LUZP2: variants seen among roughly 807,000 people sequenced by gnomAD.
The protein encoded by LUZP2 is leucine zipper protein 2.
A neutral mutation model predicts 51.6 loss-of-function variants in LUZP2; 52 were observed. The observed-to-expected ratio is 1.01, with a 90% CI of 0.81 to 1.27. The LOEUF (loss-of-function observed/expected upper bound fraction) is 1.27. Among genes scored for constraint, LUZP2 ranks in the 50% most tolerant of loss-of-function variants. LUZP2 has a pLI of 0.00. For synonymous variants in LUZP2, 154 were observed against 137.3 expected (o/e 1.12, Z -0.85); for missense variants, 436 against 395.4 (o/e 1.10, Z -0.87).
chr11:24,896,276 G>A (rs1263952717), intron 5 of LUZP2, among the ~76,000 whole-genome samples: 2 of 152,144 alleles, frequency 1.3e-5, no homozygotes, highest in Admixed American at 6.5e-5. Flanking sequence ...CTGCTTGCAG[G>A]GAGGTGTGGA....
At chr11:24,785,903 A>G (rs1224381469) in intron 5 of LUZP2, 1 of 985,358 alleles carries the variant, frequency 1.0e-6, no homozygotes, top group African/African-American at 1.7e-5. Context: ...AATTGGCAGC[A>G]GTTATAACTA....
intron 7 of LUZP2, among the ~76,000 whole-genome samples, chr11:24,969,912 G>T (rs115653403): frequency 3.9e-5 from 6 of 152,012 alleles, no homozygotes; most frequent in Non-Finnish European, 7.4e-5. Context: ...ACACACATGC[G>T]CGCGCACACA....
At chr11:24,905,969 A>G in intron 5 of LUZP2, 22 bp from the exon 6 acceptor site, 3 of 1,570,908 alleles carry the variant, frequency 1.9e-6, no homozygotes, top group Middle Eastern at 1.7e-4. Context: ...TCTTTGCAAT[A>G]AAACTATGTT....
At chr11:25,067,838 T>A (rs1859041387) in intron 10 of LUZP2, among the ~76,000 whole-genome samples, 1 of 152,042 alleles carries the variant, frequency 6.6e-6, no homozygotes, top group Non-Finnish European at 1.5e-5. Flanking sequence ...GGATTATAAA[T>A]CATTCTACTA....
chr11:24,786,172 T>C (rs1849239793), intron 5 of LUZP2: 1 of 981,650 alleles, frequency 1.0e-6, no homozygotes, highest in East Asian at 1.1e-4. Context: ...CAGGGAAACC[T>C]AAAACCAAGA....
chr11:25,019,182 C>A (rs1320563754), intron 9 of LUZP2, among the ~76,000 whole-genome samples: 1 of 152,126 alleles, frequency 6.6e-6, no homozygotes, highest in Non-Finnish European at 1.5e-5. Flanking sequence ...ATGTGTCCCA[C>A]CTTATAGTAT....
chr11:24,777,821 T>C (rs1451857374), intron 5 of LUZP2, among the ~76,000 whole-genome samples: 2 of 152,110 alleles, frequency 1.3e-5, no homozygotes, highest in Non-Finnish European at 2.9e-5. Flanking sequence ...TTTTTTTTGG[T>C]GTGGTGATGA....
At chr11:24,995,280 C>G (rs1288142556) in intron 9 of LUZP2, among the ~76,000 whole-genome samples, 1 of 152,062 alleles carries the variant, frequency 6.6e-6, no homozygotes, top group Non-Finnish European at 1.5e-5. Context: ...GTAGTCCCAG[C>G]TACTTGGGAG....
intron 1 of LUZP2, among the ~76,000 whole-genome samples, chr11:24,584,581 C>T (rs1852992992): frequency 6.6e-6 from 1 of 152,056 alleles, no homozygotes; most frequent in African/African-American, 2.4e-5. Flanking sequence ...GGGTTTTTCC[C>T]AGTTGTTTAG....
At chr11:24,950,753 C>T (rs958254871) in intron 7 of LUZP2, among the ~76,000 whole-genome samples, 9 of 151,516 alleles carry the variant, frequency 5.9e-5, no homozygotes, top group Admixed American at 2.6e-4. Flanking sequence ...CATTTATTGC[C>T]TCATTTAAGC....
intron 7 of LUZP2, among the ~76,000 whole-genome samples, chr11:24,930,984 T>C (rs1254767152): frequency 6.6e-6 from 1 of 151,932 alleles, no homozygotes; most frequent in East Asian, 1.9e-4. Flanking sequence ...GAAGCCAAGG[T>C]GGGTGGATCA....
At chr11:25,034,376 C>T (rs1590860171) in intron 9 of LUZP2, among the ~76,000 whole-genome samples, 1 of 151,986 alleles carries the variant, frequency 6.6e-6, no homozygotes, top group Non-Finnish European at 1.5e-5. Context: ...TGTAGGTTGT[C>T]TGTTTTGTTG....
At chr11:24,623,861 A>G (rs1854588641) in intron 1 of LUZP2, among the ~76,000 whole-genome samples, 1 of 152,134 alleles carries the variant, frequency 6.6e-6, no homozygotes, top group Non-Finnish European at 1.5e-5. Context: ...ATTAAAGAAA[A>G]TGTCGAAACA....
chr11:25,042,071 C>T (rs1007743998), intron 9 of LUZP2, among the ~76,000 whole-genome samples: 3 of 152,072 alleles, frequency 2.0e-5, no homozygotes, highest in African/African-American at 7.2e-5. Context: ...GGTTGGGGAC[C>T]ACCACTTCAG....
intron 9 of LUZP2, among the ~76,000 whole-genome samples, chr11:24,994,706 T>C (rs1262871796): frequency 6.6e-6 from 1 of 152,240 alleles, no homozygotes; most frequent in Admixed American, 6.5e-5. Context: ...AGTCTTTAGA[T>C]AACTTAGGGA....
At chr11:24,684,388 C>G (rs1856836197) in intron 1 of LUZP2, among the ~76,000 whole-genome samples, 1 of 152,098 alleles carries the variant, frequency 6.6e-6, no homozygotes, top group South Asian at 2.1e-4. Context: ...TACATATTTC[C>G]CTGGTTTCTC....
In LUZP2 at chr11:24,653,712, T is replaced by C. The variant is rs115369598; in HGVS notation, c.63-75457T>C. ...TTGAGGATGTGAGAAGAAAATACAA[T>C]AGAGATTCAAAAGGAAAGCACACTG... On this transcript the variant is annotated intron_variant, in intron 1 of 11. Transcript: ENST00000336930. Among the ~76,000 whole-genome samples the C allele has an allele frequency of 3.0e-3, 451 of 152,106 alleles. 4 individuals are homozygous for C. The highest frequency in any genetic ancestry group is 0.01 in the African/African-American group (429 of 41,480).
intron 7 of LUZP2, among the ~76,000 whole-genome samples, chr11:24,941,732 A>C (rs1165980264): frequency 6.6e-6 from 1 of 152,168 alleles, no homozygotes; most frequent in Non-Finnish European, 1.5e-5. Context: ...ATTTAAATTT[A>C]ATGTATTTAA....
chr11:24,946,169 A>G (rs1180629995), intron 7 of LUZP2, among the ~76,000 whole-genome samples: 1 of 152,076 alleles, frequency 6.6e-6, no homozygotes, highest in East Asian at 1.9e-4. Flanking sequence ...GTCATATAAT[A>G]TTCCATTGGG....
Sources: allele counts gnomAD v4.1 joint callset (sites outside exome capture counted in the v4.1 genomes callset), GRCh38; gene constraint gnomAD v4.1.1; transcripts MANE v1.5; gene names NCBI Gene and HGNC (gene_info 2026-07-23, HGNC 2026-07-21).